KIAA0319: variants seen among roughly 807,000 people sequenced by gnomAD.
The protein encoded by KIAA0319 is dyslexia-associated protein KIAA0319.
Under a neutral mutation model 108.4 loss-of-function variants are expected in KIAA0319, and 83 were observed. The ratio of observed to expected loss-of-function variants is 0.77; its 90% CI spans 0.64 to 0.92. The LOEUF (loss-of-function observed/expected upper bound fraction) is 0.92. Among genes scored for constraint, KIAA0319 ranks in the 40% least tolerant of loss-of-function variants. The probability of loss-of-function intolerance (pLI) is 0.00; values close to 1 mark genes in which losing one functional copy is unlikely to be tolerated. For missense variants in KIAA0319, 1,195 were observed against 1,322.4 expected, an observed-to-expected ratio of 0.90 and a Z score of 1.49; for synonymous variants, 484 against 510.4, an observed-to-expected ratio of 0.95 and a Z score of 0.70.
intron 15 of KIAA0319, among the ~76,000 whole-genome samples, 163 bp downstream of exon 15, chr6:24,564,039 G>A (rs1311130401): frequency 1.3e-5 from 2 of 152,052 alleles, no homozygotes; most frequent in Non-Finnish European, 2.9e-5. Context: ...GATCTATCTG[G>A]GGATACACAA....
chr6:24,543,575 G>A (rs1209371733), downstream of KIAA0319, among the ~76,000 whole-genome samples: 2 of 152,114 alleles, frequency 1.3e-5, no homozygotes, highest in Non-Finnish European at 2.9e-5. Flanking sequence ...CTACAGGCAT[G>A]CATCACAATG....
intron 2 of KIAA0319, among the ~76,000 whole-genome samples, chr6:24,597,099 C>G (rs374215811): frequency 2.0e-5 from 3 of 152,292 alleles, no homozygotes; most frequent in Admixed American, 6.5e-5. Context: ...ATGCACCCTT[C>G]CTTCCATTTG....
At chr6:24,614,168 T>C (rs1772800690) in intron 1 of KIAA0319, among the ~76,000 whole-genome samples, 1 of 152,172 alleles carries the variant, frequency 6.6e-6, no homozygotes, top group South Asian at 2.1e-4. Flanking sequence ...ACAGATTGAT[T>C]CAAATGTTGG....
intron 4 of KIAA0319, among the ~76,000 whole-genome samples, chr6:24,586,856 T>A (rs1426708450): frequency 2.0e-5 from 3 of 152,084 alleles, no homozygotes; most frequent in Non-Finnish European, 4.4e-5. Context: ...TTCCTCTTTA[T>A]CTCCTACCTC....
At chr6:24,596,875 C>T (rs142846910) in intron 2 of KIAA0319, among the ~76,000 whole-genome samples, 1 of 152,116 alleles carries the variant, frequency 6.6e-6, no homozygotes, top group South Asian at 2.1e-4. Flanking sequence ...TTCCTCCTAT[C>T]TTTCCACCTT....
chr6:24,592,383 A>T (rs569672525), intron 3 of KIAA0319, among the ~76,000 whole-genome samples: 1 of 152,320 alleles, frequency 6.6e-6, no homozygotes, highest in South Asian at 2.1e-4. Flanking sequence ...AGTTTCTGTC[A>T]TCAATTCCAA....
At chr6:24,627,466 C>CCTT (rs3033226) in intron 1 of KIAA0319, among the ~76,000 whole-genome samples, 107,062 of 151,556 alleles carry the variant, frequency 0.71, 38,443 homozygotes, top group East Asian at 0.87. Flanking sequence ...TTCCTTCTTT[C>CCTT]CTTTTTTTCC....
Position 24,624,017 on chromosome 6 carries a change from C to CTT in KIAA0319, c.-106+21717_-106+21718dup, listed in dbSNP as rs536970883. On this transcript the variant is annotated intron_variant, in intron 1 of 20. Transcript: ENST00000378214. Reference sequence around the variant, plus strand: ...AAATAATTTTGAATTTCTTTGTTTTCTTTTTTTTTTTTTTTTTTTTTTTTT... The same window carrying CTT: ...AAATAATTTTGAATTTCTTTGTTTTCTTTTTTTTTTTTTTTTTTTTTTTTTTT... Among the ~76,000 whole-genome samples, 13 of 50,536 alleles carry CTT rather than the reference C, an allele frequency of 2.6e-4. 1 individual carries two copies. The highest frequency in any genetic ancestry group is 8.6e-4 in the East Asian group (1 of 1,166). 33.2% of individuals were successfully genotyped at this position (50,536 alleles called of 152,430 possible). A position where few individuals can be genotyped will look rare whatever the true frequency, so the allele number is the denominator to read the frequency against.
intron 8 of KIAA0319, 137 bp from the exon 9 acceptor site, chr6:24,578,379 G>A (rs1765859312): frequency 2.0e-6 from 1 of 510,648 alleles, no homozygotes; most frequent in Non-Finnish European, 3.2e-6. Context: ...GATATATACT[G>A]TATTAGAAGG....
At chr6:24,627,383 C>T (rs1442877958) in intron 1 of KIAA0319, among the ~76,000 whole-genome samples, 1 of 152,158 alleles carries the variant, frequency 6.6e-6, no homozygotes, top group Admixed American at 6.5e-5. Flanking sequence ...ACTTAGTGCT[C>T]AGTCATAGCC....
chr6:24,543,893 G>C (rs1437038052), downstream of KIAA0319, among the ~76,000 whole-genome samples: 4 of 152,220 alleles, frequency 2.6e-5, no homozygotes, highest in Non-Finnish European at 5.9e-5. Flanking sequence ...AGAGGAAGGC[G>C]AGCTGACTGA....
At chr6:24,580,826 G>T in intron 7 of KIAA0319, 100 bp downstream of exon 7, 1 of 727,360 alleles carries the variant, frequency 1.4e-6, no homozygotes, top group Non-Finnish European at 2.4e-6. Flanking sequence ...AATAGGTTTT[G>T]TCTCTCTAGG....
intron 1 of KIAA0319, among the ~76,000 whole-genome samples, chr6:24,642,371 C>G (rs1420861486): frequency 6.6e-6 from 1 of 152,176 alleles, no homozygotes; most frequent in Non-Finnish European, 1.5e-5. Flanking sequence ...GATTACAAGA[C>G]AGTGCAGCTA....
intron 3 of KIAA0319, among the ~76,000 whole-genome samples, chr6:24,592,304 T>A (rs976669871): frequency 3.9e-5 from 6 of 152,228 alleles, no homozygotes; most frequent in African/African-American, 1.2e-4. Flanking sequence ...CCCCATTAAA[T>A]TTTCTAGATA....
rs144185910 is a variant in KIAA0319 at position 24,624,583 on chromosome 6, C to G, written c.-106+21153G>C. Among the ~76,000 whole-genome samples the G allele has an allele frequency of 5.3e-3, 805 of 152,118 alleles. 3 individuals are homozygous for G. Among genetic ancestry groups the G allele is most frequent in the African/African-American group, 0.016 (682 of 41,486 alleles). On this transcript the variant is annotated intron_variant, in intron 1 of 20. Transcript: ENST00000378214. ...CATTGAGGAAAAAATAGAAAATGAT[C>G]TATTAGAAGATAATTGGAAGAACCT...
At position 24,599,808 on chromosome 6, in the gene KIAA0319, C is replaced by T. The variant is rs1484625423; in HGVS notation, c.55+1241G>A. 2.2e-6 allele frequency: 1 copy of T among 464,676 alleles called. No homozygotes were observed. Among genetic ancestry groups the T allele is most frequent in the Non-Finnish European group, 4.1e-6 (1 of 244,208 alleles). 28.8% of individuals were successfully genotyped at this position (464,676 alleles called of 1,614,324 possible). ...CAAGTGAATGGCCACAGCAGCCCCT[C>T]CCAGCCTACCCCCTCCTGTGACTGC... On this transcript the variant is annotated intron_variant, in intron 2 of 20. Coordinates refer to ENST00000378214, the MANE Select transcript of KIAA0319 (RefSeq NM_014809.4). The surrounding 1 kb of genome is among the most constrained non-coding windows in gnomAD (Gnocchi z 4.1).
intron 3 of KIAA0319, among the ~76,000 whole-genome samples, chr6:24,589,785 G>C (rs1768174454): frequency 1.3e-5 from 2 of 152,170 alleles, no homozygotes; most frequent in South Asian, 4.1e-4. Context: ...AATCACTAAA[G>C]CAACAATTGA....
At chr6:24,588,841 TCAAG>T in intron 3 of KIAA0319, 56 bp from the exon 4 acceptor site, 1 of 1,392,174 alleles carries the variant, frequency 7.2e-7, no homozygotes. Flanking sequence ...GTCCAACTCT[TCAAG>T]CAACTCAATG....
In KIAA0319 at chr6:24,564,297, G is replaced by C; in HGVS notation, c.2336C>G (p.Thr779Arg). 2 of 1,614,116 alleles carry C rather than the reference G, an allele frequency of 1.2e-6. No homozygotes were observed. The highest frequency in any genetic ancestry group is 1.7e-6 in the Non-Finnish European group (2 of 1,180,010). The change falls in exon 15 of 21, where the codon ACG becomes AGG. Residue 779 changes from threonine to arginine, a missense_variant. Physicochemically the swap from Thr to Arg is moderately conservative, Grantham distance 71. Transcript: ENST00000378214. ...GSDHSVALQL[T>R]NLVEGVYTFH... ...AGTGTACACCCCCTCCACCAGATTC[G>C]TAAGCTGCAGAGCCACACTGTGGTC... is the stretch of plus-strand genomic sequence containing the variant.
Sources: gnomAD v4.1 joint callset for allele counts (sites outside exome capture counted in the v4.1 genomes callset) on GRCh38, gnomAD v4.1.1 for gene constraint, Gnocchi (gnomAD v3.1) non-coding constraint, MANE v1.5 for transcripts, NCBI Gene and HGNC (gene_info 2026-07-23, HGNC 2026-07-21) for gene names.